PAPPA2: variants seen among roughly 807,000 people sequenced by gnomAD.
PAPPA2 encodes the protein pappalysin 2.
PAPPA2 carries 86 observed loss-of-function variants against 176.4 expected under a neutral mutation model. The ratio of observed to expected loss-of-function variants is 0.49; its 90% CI spans 0.41 to 0.58. The LOEUF (loss-of-function observed/expected upper bound fraction) is 0.58. PAPPA2 is among the 20% of genes least tolerant of loss of function. The pLI, the probability that PAPPA2 is intolerant of heterozygous loss-of-function variation, is 0.00. For missense variants in PAPPA2, 2,073 were observed against 2,256.9 expected (o/e 0.92, Z 1.65); for synonymous variants, 809 against 852.2 (o/e 0.95, Z 0.88).
At chr1:176,715,578 G>A (rs373764502) in intron 12 of PAPPA2, among the ~76,000 whole-genome samples, 6 of 152,184 alleles carry the variant, frequency 3.9e-5, no homozygotes, top group Non-Finnish European at 5.9e-5. Context: ...GGGGAGCCAC[G>A]TGTTCTTTCA....
chr1:176,709,939 T>C (rs369294850), intron 10 of PAPPA2, 44 bp from the exon 11 acceptor site: 510 of 1,518,536 alleles, frequency 3.4e-4, no homozygotes, highest in Non-Finnish European at 3.9e-4. Flanking sequence ...TTTCATGACA[T>C]TTATGAAAAC....
At position 176,540,595 on chromosome 1, in the gene PAPPA2, G is replaced by A. The variant is rs569542510; in HGVS notation, c.-916-14812G>A. On this transcript the variant is annotated intron_variant, in intron 1 of 22. Transcript: ENST00000367662. ...ACAGTGGTGGCTGGTATCTAGAAGG[G>A]CTCAACTTATGCTTCCTGGAAGATT... 3.9e-5 allele frequency among the ~76,000 whole-genome samples: 6 copies of A among 152,214 alleles called. No individual in the cohort carries two copies. The South Asian group carries it at 1.2e-3, about 32-fold the overall frequency.
intron 3 of PAPPA2, among the ~76,000 whole-genome samples, chr1:176,651,243 T>C (rs1302417107): frequency 6.6e-6 from 1 of 151,648 alleles, no homozygotes; most frequent in Non-Finnish European, 1.5e-5. Flanking sequence ...CCTGTAAATA[T>C]TTTCTTTTGC....
intron 20 of PAPPA2, among the ~76,000 whole-genome samples, 156 bp downstream of exon 20, chr1:176,793,825 G>GA (rs1277851051): frequency 2.0e-5 from 3 of 152,096 alleles, no homozygotes; most frequent in Non-Finnish European, 4.4e-5. Context: ...ACATTGAAAA[G>GA]AAAAAAGAGG....
chr1:176,658,784 T>A (rs1428302495), intron 3 of PAPPA2, among the ~76,000 whole-genome samples: 1 of 151,896 alleles, frequency 6.6e-6, no homozygotes, highest in Admixed American at 6.6e-5. Context: ...AAATCTAAGT[T>A]CTTCATTACA....
At position 176,832,987 on chromosome 1, in the gene PAPPA2, G is replaced by A. The variant is rs542297760; in HGVS notation, c.5203-7186G>A. ...GGTCTGCTGGGTTACACAGGCCGTG[G>A]TTTGAGGTCCTACACAGAAGATGTA... On this transcript the variant is annotated intron_variant, in intron 21 of 22. Transcript: ENST00000367662. 8.4e-3 allele frequency among the ~76,000 whole-genome samples: 1,277 copies of A among 152,210 alleles called. 12 individuals carry two copies. Among genetic ancestry groups the A allele is most frequent in the Admixed American group, 0.01 (156 of 15,274 alleles).
intron 1 of PAPPA2, among the ~76,000 whole-genome samples, chr1:176,497,831 G>A (rs994882875): frequency 2.0e-5 from 3 of 152,108 alleles, no homozygotes; most frequent in Non-Finnish European, 4.4e-5. Flanking sequence ...TCAACATCTG[G>A]TTAGCTCCCT....
At chr1:176,558,966 G>A (rs1651497486) in intron 2 of PAPPA2, among the ~76,000 whole-genome samples, 1 of 152,178 alleles carries the variant, frequency 6.6e-6, no homozygotes, top group African/African-American at 2.4e-5. Context: ...GGGGAAACTT[G>A]ACCCCTGTCC....
intron 11 of PAPPA2, among the ~76,000 whole-genome samples, chr1:176,711,268 C>T (rs1336506936): frequency 6.6e-6 from 1 of 152,160 alleles, no homozygotes; most frequent in African/African-American, 2.4e-5. Context: ...TAAATTCTAG[C>T]ATCTTGCTCT....
chr1:176,739,821 C>T, intron 13 of PAPPA2, 60 bp downstream of exon 13: 2 of 1,593,556 alleles, frequency 1.3e-6, no homozygotes. Flanking sequence ...ACCCAGAAGT[C>T]AGCTTGATGT....
At chr1:176,507,155 G>A (rs902636563) in intron 1 of PAPPA2, among the ~76,000 whole-genome samples, 2 of 151,656 alleles carry the variant, frequency 1.3e-5, no homozygotes, top group East Asian at 3.9e-4. Flanking sequence ...CTCCAAAGAA[G>A]ACATACAAGT....
chr1:176,661,934 C>T (rs972908185), intron 3 of PAPPA2, among the ~76,000 whole-genome samples: 7 of 151,900 alleles, frequency 4.6e-5, no homozygotes, highest in African/African-American at 1.5e-4. Context: ...TTTGTTTTTG[C>T]ATGTAATTTT....
chr1:176,634,439 G>T (rs1379222480), intron 3 of PAPPA2, among the ~76,000 whole-genome samples: 1 of 152,140 alleles, frequency 6.6e-6, no homozygotes, highest in Non-Finnish European at 1.5e-5. Context: ...GGGGCCTGTT[G>T]TGGAGTGGGA....
At chr1:176,796,596 CTT>C (rs1334889248) in intron 20 of PAPPA2, among the ~76,000 whole-genome samples, 1 of 129,162 alleles carries the variant, frequency 7.7e-6, no homozygotes, top group African/African-American at 2.9e-5. Context: ...CTTTCTTTCT[CTT>C]TCTTTTCTTT....
At chr1:176,842,164 T>C (rs566361650) in intron 22 of PAPPA2, among the ~76,000 whole-genome samples, 28 of 152,280 alleles carry the variant, frequency 1.8e-4, no homozygotes, top group African/African-American at 6.5e-4. Context: ...CCCTAGTTTA[T>C]ATATGAGGAA....
intron 3 of PAPPA2, among the ~76,000 whole-genome samples, chr1:176,609,099 T>C (rs143850015): frequency 6.6e-6 from 1 of 152,274 alleles, no homozygotes; most frequent in East Asian, 1.9e-4. Context: ...GTAATCTAGA[T>C]AGAAAAGGGT....
At chr1:176,806,916 C>T (rs1371886998) in intron 21 of PAPPA2, among the ~76,000 whole-genome samples, 1 of 152,120 alleles carries the variant, frequency 6.6e-6, no homozygotes, top group Non-Finnish European at 1.5e-5. Flanking sequence ...CTTGGTTAGC[C>T]TCAACTTCTT....
intron 6 of PAPPA2, among the ~76,000 whole-genome samples, chr1:176,693,821 C>T (rs987810806): frequency 1.3e-5 from 2 of 152,192 alleles, no homozygotes; most frequent in African/African-American, 4.8e-5. Flanking sequence ...TGACCTTGTG[C>T]AGCTTTGGTC....
chr1:176,668,593 T>C (rs2102769865), intron 3 of PAPPA2, among the ~76,000 whole-genome samples: 1 of 152,348 alleles, frequency 6.6e-6, no homozygotes, highest in African/African-American at 2.4e-5. Context: ...TCCGATTAAC[T>C]TTTGAAATGG....
Sources: gnomAD v4.1 joint callset for allele counts (sites outside exome capture counted in the v4.1 genomes callset) on GRCh38, gnomAD v4.1.1 for gene constraint, MANE v1.5 for transcripts, NCBI Gene and HGNC (gene_info 2026-07-23, HGNC 2026-07-21) for gene names.